The following SLC24A2 variants were observed in gnomAD, a reference collection of about 807,000 sequenced individuals.
SLC24A2 encodes the protein solute carrier family 24 member 2.
Under a neutral mutation model 62.0 loss-of-function variants are expected in SLC24A2, and 36 were observed. The ratio of observed to expected loss-of-function variants is 0.58; its 90% CI spans 0.44 to 0.77. The LOEUF (loss-of-function observed/expected upper bound fraction) is 0.77, where lower values mean the gene tolerates loss of function less well. Among genes scored for constraint, SLC24A2 ranks in the 30% least tolerant of loss-of-function variants. The pLI is 0.00. For missense variants in SLC24A2, 846 were observed against 817.9 expected (o/e 1.03, Z -0.42); for synonymous variants, 358 against 294.0 (o/e 1.22, Z -2.23).
At chr9:19,745,855 G>A (rs1821817066) in intron 2 of SLC24A2, among the ~76,000 whole-genome samples, 1 of 152,156 alleles carries the variant, frequency 6.6e-6, no homozygotes, top group African/African-American at 2.4e-5. Context: ...GCAGCAATAA[G>A]AGATTAAGTG....
the SLC24A2 span, among the ~76,000 whole-genome samples, chr9:20,224,636 T>A: frequency 6.8e-6 from 1 of 146,452 alleles, no homozygotes; most frequent in Non-Finnish European, 1.5e-5. Context: ...GATAATGCAA[T>A]CAATTTAGGG....
the SLC24A2 span, among the ~76,000 whole-genome samples, chr9:20,104,205 G>C: frequency 6.6e-6 from 1 of 152,204 alleles, no homozygotes; most frequent in East Asian, 1.9e-4. Context: ...TATGTGAAAA[G>C]ACCAAATCTA....
At chr9:20,226,246 A>G in the SLC24A2 span, among the ~76,000 whole-genome samples, 129 of 152,116 alleles carry the variant, frequency 8.5e-4, no homozygotes, top group African/African-American at 2.7e-3. Flanking sequence ...AAGGCTTCCC[A>G]TTTTTCTGTC....
the SLC24A2 span, among the ~76,000 whole-genome samples, chr9:20,162,148 CA>C: frequency 6.6e-6 from 1 of 151,582 alleles, no homozygotes. Flanking sequence ...TCAGGTATTC[CA>C]GGGACTGAGG....
the SLC24A2 span, among the ~76,000 whole-genome samples, chr9:19,817,057 C>T: frequency 6.6e-6 from 1 of 152,030 alleles, no homozygotes; most frequent in South Asian, 2.1e-4. Flanking sequence ...GTTTGTGATT[C>T]GTATTATAAC....
chr9:19,947,844 G>GAAAT, the SLC24A2 span, among the ~76,000 whole-genome samples: 1 of 142,490 alleles, frequency 7.0e-6, no homozygotes, highest in Admixed American at 7.1e-5. Context: ...AAGAAAGAAA[G>GAAAT]AAAGAAATTA....
chr9:20,288,644 C>A, the SLC24A2 span, among the ~76,000 whole-genome samples: 1 of 151,410 alleles, frequency 6.6e-6, no homozygotes, highest in Admixed American at 6.6e-5. Context: ...GTGGCACATG[C>A]CTGTTTGGAA....
At chr9:20,189,191 A>C in the SLC24A2 span, among the ~76,000 whole-genome samples, 1 of 151,912 alleles carries the variant, frequency 6.6e-6, no homozygotes, top group Non-Finnish European at 1.5e-5. Flanking sequence ...CAATTTTCAA[A>C]AGATCCAGTG....
intron 2 of SLC24A2, among the ~76,000 whole-genome samples, chr9:19,736,044 CAG>C (rs1483603928): frequency 6.6e-6 from 1 of 151,866 alleles, no homozygotes; most frequent in Non-Finnish European, 1.5e-5. Context: ...GTAACGCAAA[CAG>C]TGGGAGAGAT....
At chr9:19,641,624 C>A (rs1203378371) in intron 2 of SLC24A2, among the ~76,000 whole-genome samples, 1 of 151,546 alleles carries the variant, frequency 6.6e-6, no homozygotes, top group Non-Finnish European at 1.5e-5. Context: ...AAGCGATTCT[C>A]CTGCCTCAGT....
At chr9:20,192,792 C>G in the SLC24A2 span, among the ~76,000 whole-genome samples, 1 of 152,136 alleles carries the variant, frequency 6.6e-6, no homozygotes, top group South Asian at 2.1e-4. Flanking sequence ...TTCCAACATG[C>G]AGCCAAGGTT....
At chr9:20,196,217 T>C in the SLC24A2 span, among the ~76,000 whole-genome samples, 2 of 152,202 alleles carry the variant, frequency 1.3e-5, no homozygotes, top group African/African-American at 4.8e-5. Flanking sequence ...GAATCTGAAA[T>C]CCATCTTTTT....
the SLC24A2 span, among the ~76,000 whole-genome samples, chr9:19,920,875 C>T: frequency 6.6e-6 from 1 of 152,128 alleles, no homozygotes; most frequent in Non-Finnish European, 1.5e-5. Context: ...TAAAGCCAAC[C>T]TGGGTTCAAA....
intron 8 of SLC24A2, among the ~76,000 whole-genome samples, chr9:19,545,585 CAG>C (rs1264578891): frequency 6.6e-5 from 10 of 151,962 alleles, no homozygotes; most frequent in Non-Finnish European, 1.5e-5. Flanking sequence ...TCTTTGTAGT[CAG>C]TGACCTTCGG....
Position 19,702,178 on chromosome 9 carries a change from A to C in SLC24A2, c.931-79879T>G. ...GAGTTCTAATACAATAGCACTAATCATGATGATTTGAAGGACAGTAAACCT... is the reference window on the plus strand; with the variant it reads ...GAGTTCTAATACAATAGCACTAATCCTGATGATTTGAAGGACAGTAAACCT... On this transcript the variant is annotated intron_variant, in intron 2 of 10. Transcript: ENST00000341998. Among the ~76,000 whole-genome samples, 2 of 152,244 alleles carry C rather than the reference A, an allele frequency of 1.3e-5. 1 individual carries two copies. Among genetic ancestry groups the C allele is most frequent in the East Asian group, 3.8e-4 (2 of 5,198 alleles).
intron 2 of SLC24A2, among the ~76,000 whole-genome samples, chr9:19,721,966 C>T: frequency 6.6e-6 from 1 of 152,100 alleles, no homozygotes; most frequent in Admixed American, 6.6e-5. Flanking sequence ...CTTTTACTCT[C>T]CATCTTCTAA....
At chr9:20,116,479 G>A in the SLC24A2 span, among the ~76,000 whole-genome samples, 1 of 152,112 alleles carries the variant, frequency 6.6e-6, no homozygotes, top group Non-Finnish European at 1.5e-5. Flanking sequence ...CATAACAACG[G>A]ATTCAGTTCA....
chr9:19,567,544 C>CAAAAA (rs747824353), intron 7 of SLC24A2, among the ~76,000 whole-genome samples: 11 of 38,370 alleles, frequency 2.9e-4, no homozygotes, highest in African/African-American at 7.0e-4. Context: ...GACTCCATCT[C>CAAAAA]AAAAAAAAAA....
At chr9:19,617,050 A>G (rs1477138602) in intron 4 of SLC24A2, among the ~76,000 whole-genome samples, 1 of 152,138 alleles carries the variant, frequency 6.6e-6, no homozygotes, top group Non-Finnish European at 1.5e-5. Flanking sequence ...CATGTAGACC[A>G]GCGGTCCCCA....
Sources: gnomAD v4.1 joint callset for allele counts (sites outside exome capture counted in the v4.1 genomes callset) on GRCh38, gnomAD v4.1.1 for gene constraint, MANE v1.5 for transcripts, NCBI Gene and HGNC (gene_info 2026-07-23, HGNC 2026-07-21) for gene names.